Variants in ARHGEF10 observed in about 807,000 individuals in gnomAD.
ARHGEF10 encodes Rho guanine nucleotide exchange factor 10.
In ARHGEF10, 140 loss-of-function variants were observed where a neutral mutation model predicts 147.4. The ratio of observed to expected loss-of-function variants is 0.95; its 90% confidence interval spans 0.83 to 1.09. ARHGEF10 has a LOEUF of 1.09. ARHGEF10 is among the 50% of genes least tolerant of loss of function. ARHGEF10 has a pLI of 0.00. For missense variants in ARHGEF10, 2,222 were observed against 1,752.7 expected (o/e 1.27, Z -4.78); for synonymous variants, 902 against 695.8 (o/e 1.30, Z -4.67).
At position 1,893,685 on chromosome 8, in the gene ARHGEF10, T is replaced by A. The variant is rs768973664; in HGVS notation, c.1260+39T>A. The A allele has an allele frequency of 2.9e-6, 4 of 1,358,166 alleles. No individual in the cohort carries two copies. The East Asian group carries it at 9.2e-5, about 31-fold the overall frequency. 84.1% of individuals were successfully genotyped at this position (1,358,166 alleles called of 1,614,324 possible). A position where few individuals can be genotyped will look rare whatever the true frequency, so the allele number is the denominator to read the frequency against. ...GTGTTACATAATACATACATTTCTA[T>A]TATTCTTTTTTACCTATATACATTT... On this transcript the variant is annotated intron_variant, in intron 12 of 28. Coordinates refer to ENST00000349830, the MANE Select transcript of ARHGEF10 (RefSeq NM_014629.4).
chr8:1,899,820 G>A (rs369360096), intron 15 of ARHGEF10, among the ~76,000 whole-genome samples: 9 of 152,260 alleles, frequency 5.9e-5, no homozygotes, highest in African/African-American at 2.2e-4. Context: ...CAGACGTGAT[G>A]AATGAGCTTC....
intron 2 of ARHGEF10, 21 bp from the exon 3 acceptor site, chr8:1,857,939 G>T (rs1271831061): frequency 1.9e-6 from 3 of 1,580,850 alleles, no homozygotes; most frequent in Non-Finnish European, 1.7e-6. Context: ...TCCTTGATGT[G>T]GTTTTGGTTT....
chr8:1,875,904 G>A (rs2129108571), intron 7 of ARHGEF10: 1 of 153,192 alleles, frequency 6.5e-6, no homozygotes, highest in South Asian at 2.1e-4. Flanking sequence ...TTAAGGCATG[G>A]AGATTATTTG....
intron 26 of ARHGEF10, among the ~76,000 whole-genome samples, chr8:1,934,453 C>T (rs1466796759): frequency 6.6e-6 from 1 of 151,606 alleles, no homozygotes; most frequent in Non-Finnish European, 1.5e-5. Context: ...ATTTTTTAAC[C>T]ATTTACCTGT....
intron 23 of ARHGEF10, chr8:1,926,755 T>A: frequency 2.3e-6 from 1 of 440,502 alleles, no homozygotes; most frequent in East Asian, 4.5e-5. Flanking sequence ...TTAATATGTT[T>A]TTCCATTTTG....
Position 1,843,784 on chromosome 8 carries a change from C to T in ARHGEF10, c.37+348C>T, listed in dbSNP as rs991450702. 5.9e-5 allele frequency among the ~76,000 whole-genome samples: 9 copies of T among 152,200 alleles called. 1 individual carries two copies. Among genetic ancestry groups the T allele is most frequent in the African/African-American group, 1.9e-4 (8 of 41,436 alleles). On this transcript the variant is annotated intron_variant, in intron 2 of 28. Transcript: ENST00000349830. ...TGGCGCCTTCCAGTGTTGAAGGCCT[C>T]GCTCAGGCTTAAAGCTCAGCTCGCC...
upstream of ARHGEF10, among the ~76,000 whole-genome samples, chr8:1,823,504 G>A (rs1241017127): frequency 1.3e-5 from 2 of 152,138 alleles, no homozygotes; most frequent in Non-Finnish European, 2.9e-5. Context: ...CAGCCCGTGG[G>A]GGTCCGCAGA....
intron 7 of ARHGEF10, among the ~76,000 whole-genome samples, chr8:1,874,651 C>A (rs1260297276): frequency 6.6e-6 from 1 of 151,792 alleles, no homozygotes; most frequent in Non-Finnish European, 1.5e-5. Context: ...ACAGTGCAGA[C>A]ACACACCAGG....
intron 8 of ARHGEF10, among the ~76,000 whole-genome samples, chr8:1,877,428 A>G (rs1011494541): frequency 1.3e-5 from 2 of 152,160 alleles, no homozygotes; most frequent in East Asian, 3.8e-4. Flanking sequence ...GGGTTTCCCT[A>G]TGTTGGCCAG....
chr8:1,839,463 T>G, intron 1 of ARHGEF10, among the ~76,000 whole-genome samples: 1 of 144,094 alleles, frequency 6.9e-6, no homozygotes, highest in Non-Finnish European at 1.5e-5. Flanking sequence ...AGCTGTCTGG[T>G]GTGGGGACTG....
At chr8:1,908,728 G>C (rs756594046) in intron 17 of ARHGEF10, among the ~76,000 whole-genome samples, 1 of 152,170 alleles carries the variant, frequency 6.6e-6, no homozygotes, top group South Asian at 2.1e-4. Flanking sequence ...TATGTGTTTT[G>C]TGTTTCTTCA....
chr8:1,902,613 C>A (rs868361211), intron 15 of ARHGEF10, among the ~76,000 whole-genome samples: 3 of 152,170 alleles, frequency 2.0e-5, no homozygotes, highest in Non-Finnish European at 4.4e-5. Context: ...CCCCTCCCCC[C>A]ACATCTCCAC....
At chr8:1,918,191 C>G (rs571726391) in intron 18 of ARHGEF10, among the ~76,000 whole-genome samples, 140 of 152,290 alleles carry the variant, frequency 9.2e-4, no homozygotes, top group African/African-American at 3.2e-3. Context: ...TGTGTGGTTT[C>G]TTGTTATTCT....
intron 18 of ARHGEF10, among the ~76,000 whole-genome samples, chr8:1,915,322 A>G (rs1007594100): frequency 2.6e-5 from 4 of 152,222 alleles, no homozygotes; most frequent in African/African-American, 9.6e-5. Flanking sequence ...CACATCACAG[A>G]TTCTGGGCAG....
At chr8:1,867,384 A>G (rs1418182881) in intron 6 of ARHGEF10, among the ~76,000 whole-genome samples, 1 of 152,246 alleles carries the variant, frequency 6.6e-6, no homozygotes, top group Non-Finnish European at 1.5e-5. Flanking sequence ...TTTCAAAAAC[A>G]GGAAACATCC....
At chr8:1,850,680 C>T (rs1358517386) in intron 2 of ARHGEF10, among the ~76,000 whole-genome samples, 2 of 152,304 alleles carry the variant, frequency 1.3e-5, no homozygotes, top group East Asian at 3.9e-4. Context: ...GTGTGACTTG[C>T]AGCCATGCCC....
At chr8:1,898,556 A>G (rs745977038) in intron 15 of ARHGEF10, 31 bp downstream of exon 15, 5 of 1,598,010 alleles carry the variant, frequency 3.1e-6, no homozygotes, top group Non-Finnish European at 8.6e-7. Flanking sequence ...TCCTCAAGCT[A>G]GTCCTCTGGC....
chr8:1,844,914 A>G (rs981095114), intron 2 of ARHGEF10, among the ~76,000 whole-genome samples: 4 of 152,128 alleles, frequency 2.6e-5, no homozygotes, highest in African/African-American at 9.7e-5. Flanking sequence ...AAAAAGAATA[A>G]TAATGTAATA....
chr8:1,949,322 G>A (rs1040081688), intron 27 of ARHGEF10, among the ~76,000 whole-genome samples: 9 of 152,156 alleles, frequency 5.9e-5, no homozygotes, highest in Non-Finnish European at 1.0e-4. Flanking sequence ...TTTAGCTCAC[G>A]TTCTTTCACA....
Sources: gnomAD v4.1 joint callset for allele counts (sites outside exome capture counted in the v4.1 genomes callset) on GRCh38, gnomAD v4.1.1 for gene constraint, MANE v1.5 for transcripts, NCBI Gene and HGNC (gene_info 2026-07-23, HGNC 2026-07-21) for gene names.